CDH13: variants seen among roughly 807,000 people sequenced by gnomAD.
CDH13 encodes cadherin-13.
In CDH13, 24 loss-of-function variants were observed where a neutral mutation model predicts 63.8. The ratio of observed to expected loss-of-function variants is 0.38; its 90% CI spans 0.27 to 0.53. The LOEUF (loss-of-function observed/expected upper bound fraction) is 0.53, where lower values mean the gene tolerates loss of function less well. Among genes scored for constraint, CDH13 ranks in the 20% least tolerant of loss-of-function variants. CDH13 has a pLI of 0.85. For synonymous variants in CDH13, 503 were observed against 355.3 expected (o/e 1.42, Z -4.67); for missense variants, 1,049 against 903.1 (o/e 1.16, Z -2.07).
At chr16:82,665,748 C>T (rs746583141) in intron 1 of CDH13, among the ~76,000 whole-genome samples, 3 of 151,954 alleles carry the variant, frequency 2.0e-5, no homozygotes, top group Non-Finnish European at 4.4e-5. Flanking sequence ...TGAACTGACA[C>T]CCTGTAAATT....
At chr16:83,144,511 C>A (rs573597673) in intron 4 of CDH13, among the ~76,000 whole-genome samples, 1 of 152,176 alleles carries the variant, frequency 6.6e-6, no homozygotes, top group Non-Finnish European at 1.5e-5. Context: ...CACCACGAGA[C>A]AAGGTGTGTT....
chr16:83,087,656 A>C (rs1411943417), intron 3 of CDH13, among the ~76,000 whole-genome samples: 2 of 122,612 alleles, frequency 1.6e-5, no homozygotes, highest in Non-Finnish European at 3.3e-5. Context: ...CGACGAAGCA[A>C]GACTCCCTCC....
chr16:82,700,645 C>G (rs1177665997), intron 1 of CDH13, among the ~76,000 whole-genome samples: 1 of 151,962 alleles, frequency 6.6e-6, no homozygotes, highest in African/African-American at 2.4e-5. Context: ...GTTTTCAGTC[C>G]TGTCCTAGAA....
intron 2 of CDH13, among the ~76,000 whole-genome samples, chr16:82,998,947 C>G (rs1025381284): frequency 1.4e-5 from 2 of 145,932 alleles, no homozygotes; most frequent in African/African-American, 5.2e-5. Context: ...CTTTCATTCT[C>G]TGCCGCTGTA....
chr16:82,673,340 A>G (rs1913521049), intron 1 of CDH13, among the ~76,000 whole-genome samples: 1 of 152,196 alleles, frequency 6.6e-6, no homozygotes, highest in Non-Finnish European at 1.5e-5. Flanking sequence ...CACTCAGTCA[A>G]GGAACTGAGA....
At chr16:83,368,869 T>A (rs1349492687) in intron 6 of CDH13, among the ~76,000 whole-genome samples, 1 of 110,108 alleles carries the variant, frequency 9.1e-6, no homozygotes, top group African/African-American at 4.0e-5. Context: ...TATGGCTGAG[T>A]AGTAGTATTC....
chr16:82,646,897 T>C (rs1910160047), intron 1 of CDH13, among the ~76,000 whole-genome samples: 1 of 152,164 alleles, frequency 6.6e-6, no homozygotes, highest in South Asian at 2.1e-4. Flanking sequence ...CAGGGGGTAA[T>C]GAAGAGGCTG....
chr16:83,102,011 A>G (rs12924791), intron 3 of CDH13, among the ~76,000 whole-genome samples: 48,590 of 152,066 alleles, frequency 0.32, 8,696 homozygotes, highest in Middle Eastern at 0.57. Context: ...GATTATGTTG[A>G]TGGGTCCAAT....
intron 4 of CDH13, among the ~76,000 whole-genome samples, chr16:83,134,211 G>C (rs2036174026): frequency 6.6e-6 from 1 of 151,080 alleles, no homozygotes. Context: ...TTTTTTCTTT[G>C]AGACAGAGTC....
Position 83,103,290 on chromosome 16 carries a change from G to A in CDH13, c.367-22095G>A, listed in dbSNP as rs554252344. Among the ~76,000 whole-genome samples the A allele has an allele frequency of 4.1e-5, 5 of 121,838 alleles. No homozygotes were observed. In the South Asian group the frequency reaches 1.1e-3, roughly 27 times the overall value. 79.9% of individuals were successfully genotyped at this position (121,838 alleles called of 152,430 possible). A position where few individuals can be genotyped will look rare whatever the true frequency, so the allele number is the denominator to read the frequency against. On this transcript the variant is annotated intron_variant, in intron 3 of 13. Transcript: ENST00000567109. ...GAGACAGTCTGGCTCTGTTGCCCGG[G>A]ATGAAGTGCTGTGGCGTGAACTCAG...
At chr16:82,875,689 A>T (rs908421383) in intron 2 of CDH13, among the ~76,000 whole-genome samples, 2 of 152,226 alleles carry the variant, frequency 1.3e-5, no homozygotes, top group African/African-American at 4.8e-5. Context: ...CAAAGATTTT[A>T]TCTATCTCAA....
chr16:83,634,914 T>C (rs1437070301), intron 8 of CDH13, among the ~76,000 whole-genome samples: 1 of 152,222 alleles, frequency 6.6e-6, no homozygotes. Context: ...GTAAGGCTTT[T>C]GTGTGAACAT....
chr16:82,680,145 C>G (rs1427980684), intron 1 of CDH13, among the ~76,000 whole-genome samples: 5 of 152,196 alleles, frequency 3.3e-5, no homozygotes, highest in Non-Finnish European at 7.3e-5. Flanking sequence ...TGGGAAGAAT[C>G]TGGGCCTGCA....
intron 8 of CDH13, among the ~76,000 whole-genome samples, chr16:83,614,911 T>A (rs1354554056): frequency 6.6e-6 from 1 of 152,224 alleles, no homozygotes; most frequent in African/African-American, 2.4e-5. Flanking sequence ...TTAAAATGTT[T>A]GAAGTGTCTC....
chr16:83,230,857 A>G (rs895648627), intron 5 of CDH13, among the ~76,000 whole-genome samples: 4 of 152,232 alleles, frequency 2.6e-5, no homozygotes, highest in Non-Finnish European at 5.9e-5. Context: ...GGATGACATA[A>G]TTTTGGGTCA....
At chr16:83,174,148 G>C (rs2038030078) in intron 4 of CDH13, among the ~76,000 whole-genome samples, 1 of 152,080 alleles carries the variant, frequency 6.6e-6, no homozygotes, top group South Asian at 2.1e-4. Flanking sequence ...CAGGGGAGTT[G>C]AGGGCTTATC....
intron 2 of CDH13, among the ~76,000 whole-genome samples, chr16:82,927,441 C>T (rs1298890708): frequency 6.6e-6 from 1 of 152,078 alleles, no homozygotes; most frequent in Non-Finnish European, 1.5e-5. Context: ...TTCATAATGC[C>T]TTATAGTTGA....
chr16:82,912,547 G>A (rs144247868), intron 2 of CDH13, among the ~76,000 whole-genome samples: 3,344 of 152,304 alleles, frequency 0.022, 48 homozygotes, highest in South Asian at 0.049. Context: ...AGGTGGGAAA[G>A]TACATAAAAT....
chr16:83,619,074 G>T (rs1203324785), intron 8 of CDH13, among the ~76,000 whole-genome samples: 2 of 152,238 alleles, frequency 1.3e-5, no homozygotes, highest in African/African-American at 4.8e-5. Flanking sequence ...TTGCCTGTGT[G>T]TGCCTGCGTT....
Sources: gnomAD v4.1 joint callset for allele counts (sites outside exome capture counted in the v4.1 genomes callset) on GRCh38, gnomAD v4.1.1 for gene constraint, MANE v1.5 for transcripts, NCBI Gene and HGNC (gene_info 2026-07-23, HGNC 2026-07-21) for gene names.